Variants in DMBX1 observed in about 807,000 individuals in gnomAD.
DMBX1 encodes diencephalon/mesencephalon homeobox 1.
DMBX1 carries 7 observed loss-of-function variants against 30.4 expected under a neutral mutation model. The ratio of observed to expected loss-of-function variants is 0.23; its 90% confidence interval spans 0.13 to 0.43. The LOEUF is 0.43. DMBX1 is among the 20% of genes least tolerant of loss of function. The probability of loss-of-function intolerance (pLI) is 1.00; values close to 1 mark genes in which losing one functional copy is unlikely to be tolerated. For synonymous variants in DMBX1, 222 were observed against 214.2 expected, an observed-to-expected ratio of 1.04 and a Z score of -0.32; for missense variants, 460 against 508.5, an observed-to-expected ratio of 0.90 and a Z score of 0.92.
chr1:46,511,100 G>A lies in DMBX1; in HGVS notation c.499G>A (p.Gly167Ser), dbSNP rs1345700739. 3 of 1,613,952 alleles carry A rather than the reference G, an allele frequency of 1.9e-6. No individual in the cohort carries two copies. The Admixed American group carries it at 5.0e-5, about 27-fold the overall frequency. The change falls in exon 5 of 6, where the codon GGC becomes AGC. Residue 167 changes from glycine (G) to serine (S), a missense_variant. By Grantham distance (56) the Gly-to-Ser change is moderately conservative. This residue lies in a region of DMBX1 where 334 missense variants were observed against 345.1 expected (regional missense o/e 0.97). Coordinates refer to ENST00000360032, the MANE Select transcript of DMBX1 (RefSeq NM_172225.2). ...CACTGAGCAGCCCCCACGTCTGCCT[G>A]GCAGCGACCCCCCTGCTGAGCTTCA... ...LDTEQPPRLP[G>S]SDPPAELHLS...
In DMBX1 at chr1:46,499,066, G is replaced by C. The variant is rs376409971; in HGVS notation, c.-12-7933G>C. Among the ~76,000 whole-genome samples the C allele has an allele frequency of 1.5e-4, 22 of 149,814 alleles. No homozygotes were observed. The South Asian group carries it at 2.7e-3, about 19-fold the overall frequency. ...CTTTTCTTTTTTTTTTTTTGAGACC[G>C]AGTCTCACTCTGTCACCCAGGCTGC... On this transcript the variant is annotated intron_variant, in intron 2 of 5. Coordinates refer to ENST00000360032, the MANE Select transcript of DMBX1 (RefSeq NM_172225.2).
At chr1:46,490,299 G>A (rs1397451632) in intron 1 of DMBX1, among the ~76,000 whole-genome samples, 3 of 152,216 alleles carry the variant, frequency 2.0e-5, no homozygotes, top group Non-Finnish European at 4.4e-5. Flanking sequence ...GCAGGCACCC[G>A]CGGAGAACGC....
intron 2 of DMBX1, among the ~76,000 whole-genome samples, chr1:46,496,997 C>T (rs771166763): frequency 3.3e-5 from 5 of 152,232 alleles, no homozygotes; most frequent in Non-Finnish European, 7.3e-5. Context: ...GGGGCAGCAG[C>T]CTTTCTCAGG....
rs1290396501 is a variant in DMBX1 at position 46,491,483 on chromosome 1, G to A, written c.-13+700G>A. On this transcript the variant is annotated intron_variant, in intron 2 of 5. Transcript: ENST00000360032. This position sits in a 1 kb window ranked among gnomAD's most constrained non-coding sequence, Gnocchi z 5.5. ...TTACTAAGGGCGCCTCCAGTTTGAG[G>A]GCGTTGGGGAAAGAGGAGGGCTTTA... Among the ~76,000 whole-genome samples, 1 of 152,196 alleles carries A rather than the reference G, an allele frequency of 6.6e-6. No individual in the cohort carries two copies. Among genetic ancestry groups the A allele is most frequent in the Non-Finnish European group, 1.5e-5 (1 of 68,044 alleles).
chr1:46,495,128 C>T (rs186420023), intron 2 of DMBX1, among the ~76,000 whole-genome samples: 3 of 152,324 alleles, frequency 2.0e-5, no homozygotes, highest in Admixed American at 6.5e-5. Context: ...GGCCCACTCT[C>T]ATCTCCCAGA....
chr1:46,501,445 T>C (rs1220919500), intron 2 of DMBX1, among the ~76,000 whole-genome samples: 1 of 151,770 alleles, frequency 6.6e-6, no homozygotes, highest in Non-Finnish European at 1.5e-5. Context: ...CACACCCGGC[T>C]AATTTTTTGT....
In DMBX1 at chr1:46,511,292, TG is replaced by T; in HGVS notation, c.682+10del. ...GGGCAGCCCCAAGGCAGGTGAGGTCTGAGGGGTACCATGGGAGGGCTGGGGT... is the reference window on the plus strand; with the variant it reads ...GGGCAGCCCCAAGGCAGGTGAGGTCTAGGGGTACCATGGGAGGGCTGGGGT... On this transcript the variant is annotated intron_variant, in intron 5 of 5. Transcript: ENST00000360032. 6.5e-7 allele frequency: 1 copy of T among 1,547,686 alleles called. No homozygotes were observed. Among genetic ancestry groups the T allele is most frequent in the African/African-American group, 1.4e-5 (1 of 73,104 alleles).
chr1:46,494,580 C>T (rs1408026390), intron 2 of DMBX1, among the ~76,000 whole-genome samples: 1 of 152,124 alleles, frequency 6.6e-6, no homozygotes, highest in Admixed American at 6.5e-5. Flanking sequence ...CTGAGACCCA[C>T]CGGGACCCTG....
At chr1:46,489,899 G>A (rs527707304) in intron 1 of DMBX1, among the ~76,000 whole-genome samples, 22 bp downstream of exon 1, 10 of 152,248 alleles carry the variant, frequency 6.6e-5, no homozygotes, top group Admixed American at 4.6e-4. Context: ...CGGGGCTGGC[G>A]GGCCGAGCCG....
intron 3 of DMBX1, among the ~76,000 whole-genome samples, chr1:46,509,792 T>A (rs1270553111): frequency 6.6e-6 from 1 of 152,086 alleles, no homozygotes; most frequent in African/African-American, 2.4e-5. Context: ...ACCTGAGACG[T>A]GAGCCCTGCC....
At chr1:46,509,531 G>A (rs968624951) in intron 3 of DMBX1, among the ~76,000 whole-genome samples, 1 of 152,182 alleles carries the variant, frequency 6.6e-6, no homozygotes, top group Non-Finnish European at 1.5e-5. Flanking sequence ...AGCGGTTACT[G>A]TCTATCCTTC....
rs1045430343 is a variant in DMBX1, at chr1:46,512,471, G to A, written c.1111G>A (p.Gly371Arg). The part of the protein sequence containing the change: ...LRAKQHAASL[G>R]LDTLPN ...GGCCAAGCAGCACGCGGCCTCCCTG[G>A]GACTCGATACGCTGCCCAACTGACT... The change falls in exon 6 of 6, where the codon GGA becomes AGA. Residue 371 changes from glycine to arginine, a missense_variant. Transcript: ENST00000360032. This position sits in a 1 kb window ranked among gnomAD's most constrained non-coding sequence, Gnocchi z 4.8. 1.1e-5 allele frequency: 18 copies of A among 1,612,048 alleles called. No individual in the cohort carries two copies. The African/African-American group carries it at 2.1e-4, about 19-fold the overall frequency.
intron 3 of DMBX1, among the ~76,000 whole-genome samples, chr1:46,509,823 A>G (rs1204010626): frequency 1.3e-5 from 2 of 151,342 alleles, no homozygotes; most frequent in African/African-American, 4.9e-5. Context: ...TCCCCGCTCC[A>G]CTCTTACCCC....
chr1:46,509,819 C>T (rs750156369), intron 3 of DMBX1, among the ~76,000 whole-genome samples: 1 of 152,182 alleles, frequency 6.6e-6, no homozygotes, highest in Non-Finnish European at 1.5e-5. Context: ...ACCCTCCCCG[C>T]TCCACTCTTA....
At chr1:46,500,442 G>T (rs1269291835) in intron 2 of DMBX1, among the ~76,000 whole-genome samples, 1 of 152,032 alleles carries the variant, frequency 6.6e-6, no homozygotes, top group Non-Finnish European at 1.5e-5. Flanking sequence ...GGATGAAATT[G>T]CTTCTAAACT....
At chr1:46,499,487 T>A (rs990357510) in intron 2 of DMBX1, among the ~76,000 whole-genome samples, 1 of 152,246 alleles carries the variant, frequency 6.6e-6, no homozygotes, top group Non-Finnish European at 1.5e-5. Context: ...GACACCTGTT[T>A]CACCACTTTC....
chr1:46,493,204 C>T lies in DMBX1; in HGVS notation c.-13+2421C>T, dbSNP rs112626105. On this transcript the variant is annotated intron_variant, in intron 2 of 5. Coordinates refer to ENST00000360032, the MANE Select transcript of DMBX1 (RefSeq NM_172225.2). This position sits in a 1 kb window ranked among gnomAD's most constrained non-coding sequence, Gnocchi z 4.1. ...GGCCCCGGGCGACGCCACTGCTGCC[C>T]GCCAAAGCCCATTACCGAACGAGTA... 5.3e-5 allele frequency among the ~76,000 whole-genome samples: 8 copies of T among 152,306 alleles called. No individual in the cohort carries two copies. The highest frequency in any genetic ancestry group is 2.1e-4 in the South Asian group (1 of 4,828).
chr1:46,506,906 G>A lies in DMBX1; in HGVS notation c.-12-93G>A, dbSNP rs549859529. Reference sequence around the variant, plus strand: ...GAGGGAGCTTCTGACCCATCAGAAGGTGGGCATCCAGGGTCTGGACTGGGG... The same window carrying A: ...GAGGGAGCTTCTGACCCATCAGAAGATGGGCATCCAGGGTCTGGACTGGGG... On this transcript the variant is annotated intron_variant, in intron 2 of 5. Coordinates refer to ENST00000360032, the MANE Select transcript of DMBX1 (RefSeq NM_172225.2). The A allele has an allele frequency of 1.3e-5, 18 of 1,430,442 alleles. No homozygotes were observed. The South Asian group carries it at 2.1e-4, about 17-fold the overall frequency. 88.6% of individuals were successfully genotyped at this position (1,430,442 alleles called of 1,614,324 possible). A position where few individuals can be genotyped will look rare whatever the true frequency, so the allele number is the denominator to read the frequency against.
intron 2 of DMBX1, among the ~76,000 whole-genome samples, chr1:46,506,589 A>G (rs558266037): frequency 9.8e-5 from 15 of 152,396 alleles, no homozygotes; most frequent in Admixed American, 7.2e-4. Context: ...ACTATGATCC[A>G]GTCCTTTGTA....
Sources: allele counts gnomAD v4.1 joint callset (sites outside exome capture counted in the v4.1 genomes callset), GRCh38; gene constraint gnomAD v4.1.1; regional missense constraint gnomAD v4.1.1; non-coding constraint Gnocchi (gnomAD v3.1); transcripts MANE v1.5; gene names NCBI Gene and HGNC (gene_info 2026-07-23, HGNC 2026-07-21).